The following ATP6V0D1 variants were observed in gnomAD, a reference collection of about 807,000 sequenced individuals.
ATP6V0D1 encodes V-type proton ATPase subunit d 1.
ATP6V0D1 carries 13 observed loss-of-function variants against 39.0 expected under a neutral mutation model. That is an observed-to-expected ratio of 0.33 (90% CI 0.22 to 0.53). ATP6V0D1 has a LOEUF of 0.53. Ranked by LOEUF, ATP6V0D1 falls within the 20% of genes least tolerant of loss-of-function variation. The probability of loss-of-function intolerance (pLI) is 0.94; values close to 1 mark genes in which losing one functional copy is unlikely to be tolerated. For synonymous variants in ATP6V0D1, 191 were observed against 191.2 expected, an observed-to-expected ratio of 1.00 and a Z score of 0.01; for missense variants, 272 against 470.9, an observed-to-expected ratio of 0.58 and a Z score of 3.91.
intron 1 of ATP6V0D1, among the ~76,000 whole-genome samples, chr16:67,476,087 T>TA (rs1305882994): frequency 6.6e-6 from 1 of 152,082 alleles, no homozygotes; most frequent in African/African-American, 2.4e-5. Context: ...CCAGGCGTGG[T>TA]AGCGTAGGCC....
At chr16:67,450,295 C>A (rs1422145556) in intron 2 of ATP6V0D1, among the ~76,000 whole-genome samples, 3 of 152,146 alleles carry the variant, frequency 2.0e-5, no homozygotes, top group Admixed American at 6.5e-5. Context: ...AACCTAAAAA[C>A]CCCCTATTCC....
At position 67,456,691 on chromosome 16, in the gene ATP6V0D1, CT is replaced by C. The variant is rs1281442801; in HGVS notation, c.131-2977del. The C allele has an allele frequency of 6.6e-6, 1 of 152,282 alleles. No homozygotes were observed. Among genetic ancestry groups the C allele is most frequent in the African/African-American group, 2.4e-5 (1 of 41,462 alleles). The allele number at this position is 152,282 out of a possible 1,614,324, so 9.4% of individuals were successfully genotyped here. On this transcript the variant is annotated intron_variant, in intron 1 of 7. Transcript: ENST00000290949. The surrounding 1 kb of genome is among the most constrained non-coding windows in gnomAD (Gnocchi z 4.1). ...AGACTTCTTCCTTTTCAGCTATAGCCTGGGCCTAGAGGCCGGGCCAGATGTA... is the reference window on the plus strand; with the variant it reads ...AGACTTCTTCCTTTTCAGCTATAGCCGGGCCTAGAGGCCGGGCCAGATGTA...
At chr16:67,480,896 C>T in intron 1 of ATP6V0D1, 61 bp downstream of exon 1, 1 of 1,587,824 alleles carries the variant, frequency 6.3e-7, no homozygotes, top group Non-Finnish European at 8.6e-7. Flanking sequence ...TCCCGGCCTA[C>T]ACCTCTGAAC....
At chr16:67,457,748 C>T in intron 1 of ATP6V0D1, 1 of 818,912 alleles carries the variant, frequency 1.2e-6, no homozygotes, top group South Asian at 1.4e-5. Context: ...CAGCAAGGGC[C>T]TCCAAGCAAA....
rs2041234858 is a variant in ATP6V0D1 at position 67,456,106 on chromosome 16, C to G, written c.131-2391G>C. 1 of 151,752 alleles carries G rather than the reference C, an allele frequency of 6.6e-6. No individual in the cohort carries two copies. Among genetic ancestry groups the G allele is most frequent in the Non-Finnish European group, 1.5e-5 (1 of 67,996 alleles). The allele number at this position is 151,752 out of a possible 1,614,324, so 9.4% of individuals were successfully genotyped here. A position where few individuals can be genotyped will look rare whatever the true frequency, so the allele number is the denominator to read the frequency against. ...CTGCCTCCCGGGTTTAAACGATTCT[C>G]CTGCCTCAGCCTCCCGAGTAGCTGG... On this transcript the variant is annotated intron_variant, in intron 1 of 7. Transcript: ENST00000290949. This position sits in a 1 kb window ranked among gnomAD's most constrained non-coding sequence, Gnocchi z 4.1.
chr16:67,442,176 GC>G (rs1567533498), intron 4 of ATP6V0D1, among the ~76,000 whole-genome samples: 1 of 152,270 alleles, frequency 6.6e-6, no homozygotes, highest in African/African-American at 2.4e-5. Context: ...TCTGGCCCAG[GC>G]CCCTGCAGGG....
intron 1 of ATP6V0D1, among the ~76,000 whole-genome samples, chr16:67,464,839 G>A (rs1409658891): frequency 1.3e-5 from 2 of 152,280 alleles, no homozygotes; most frequent in Non-Finnish European, 2.9e-5. Context: ...GGCCAGGAAA[G>A]CAGTGTCCAG....
Position 67,444,813 on chromosome 16 carries a change from T to C in ATP6V0D1, c.303-107A>G, listed in dbSNP as rs1312275351. 7 of 1,060,318 alleles carry C rather than the reference T, an allele frequency of 6.6e-6. No homozygotes were observed. The African/African-American group carries it at 9.6e-5, about 15-fold the overall frequency. 65.7% of individuals were successfully genotyped at this position (1,060,318 alleles called of 1,614,324 possible). A position where few individuals can be genotyped will look rare whatever the true frequency, so the allele number is the denominator to read the frequency against. Reference sequence around the variant, plus strand: ...TGCACAGGCCATCACCCCTTAACAATGTATGCTGACTCATGGGTGCTGCGG... The same window carrying C: ...TGCACAGGCCATCACCCCTTAACAACGTATGCTGACTCATGGGTGCTGCGG... On this transcript the variant is annotated intron_variant, in intron 2 of 7. Coordinates refer to ENST00000290949, the MANE Select transcript of ATP6V0D1 (RefSeq NM_004691.5). The surrounding 1 kb of genome is among the most constrained non-coding windows in gnomAD (Gnocchi z 4.8).
Position 67,453,074 on chromosome 16 carries a change from T to C in ATP6V0D1, c.302+470A>G, listed in dbSNP as rs1386609798. Among the ~76,000 whole-genome samples, 1 of 152,200 alleles carries C rather than the reference T, an allele frequency of 6.6e-6. No homozygotes were observed. The highest frequency in any genetic ancestry group is 1.5e-5 in the Non-Finnish European group (1 of 68,030). On this transcript the variant is annotated intron_variant, in intron 2 of 7. Transcript: ENST00000290949. This position sits in a 1 kb window ranked among gnomAD's most constrained non-coding sequence, Gnocchi z 4.1. Reference sequence around the variant, plus strand: ...TCAGAGCAGATAGAGAATGGGCCTATCCTAAGACCTTGGCCTTTCAGAGCT... The same window carrying C: ...TCAGAGCAGATAGAGAATGGGCCTACCCTAAGACCTTGGCCTTTCAGAGCT...
intron 1 of ATP6V0D1, among the ~76,000 whole-genome samples, chr16:67,467,912 G>C (rs918199332): frequency 6.6e-6 from 1 of 152,204 alleles, no homozygotes. Flanking sequence ...TGCTATAGCA[G>C]GCATCCTGAC....
chr16:67,438,637 T>A lies in ATP6V0D1; in HGVS notation c.947A>T (p.Tyr316Phe), dbSNP rs767594277. Reference sequence around the variant, plus strand: ...CTGCTCCTTGAGCTTCACGAAGGCATAGAAGACACCAAAGTGGAACTGGTT... The same window carrying A: ...CTGCTCCTTGAGCTTCACGAAGGCAAAGAAGACACCAAAGTGGAACTGGTT... ...FLNQFHFGVF[Y>F]AFVKLKEQEC... The change falls in exon 8 of 8, where the codon TAT (tyrosine) becomes TTT (phenylalanine). Residue 316 changes from tyrosine to phenylalanine, a missense_variant. By Grantham distance (22) the Tyr-to-Phe change is conservative. Coordinates refer to ENST00000290949, the MANE Select transcript of ATP6V0D1 (RefSeq NM_004691.5). 1.2e-6 allele frequency: 2 copies of A among 1,614,234 alleles called. No homozygotes were observed. Among genetic ancestry groups the A allele is most frequent in the South Asian group, 1.1e-5 (1 of 91,084 alleles).
intron 7 of ATP6V0D1, 37 bp from the exon 8 acceptor site, chr16:67,438,726 T>C: frequency 3.1e-6 from 5 of 1,614,158 alleles, no homozygotes; most frequent in South Asian, 1.1e-5. Context: ...CAGGTGGCCA[T>C]GGCCACAGAG....
At chr16:67,464,121 A>T (rs1040473489) in intron 1 of ATP6V0D1, among the ~76,000 whole-genome samples, 9 of 152,166 alleles carry the variant, frequency 5.9e-5, no homozygotes, top group Non-Finnish European at 1.2e-4. Context: ...GTGCTACATC[A>T]TGGACTGCAG....
Position 67,442,468 on chromosome 16 carries a change from TA to T in ATP6V0D1, c.561+630del, listed in dbSNP as rs369933136. Among the ~76,000 whole-genome samples the T allele has an allele frequency of 8.9e-3, 1,281 of 143,338 alleles. 19 individuals are homozygous for T. Among genetic ancestry groups the T allele is most frequent in the African/African-American group, 0.029 (1,044 of 36,060 alleles). 94.0% of individuals were successfully genotyped at this position (143,338 alleles called of 152,430 possible). A position where few individuals can be genotyped will look rare whatever the true frequency, so the allele number is the denominator to read the frequency against. ...GTCTCGGGCTTTTTTTTTTTTTTTT[TA>T]AATTTTTAAACTTTCCTCTCCTCTC... On this transcript the variant is annotated intron_variant, in intron 4 of 7. Transcript: ENST00000290949.
Position 67,439,326 on chromosome 16 carries a change from A to G in ATP6V0D1, c.587T>C (p.Phe196Ser), listed in dbSNP as rs2041019022. 2 of 1,613,996 alleles carry G rather than the reference A, an allele frequency of 1.2e-6. No individual in the cohort carries two copies. Among genetic ancestry groups the G allele is most frequent in the African/African-American group, 2.7e-5 (2 of 74,920 alleles). ...CGTAGTCCCGCCCAGTAGGGTGCAG[A>G]ACTTGTAGAAGGACTCCAGGTAGGC... ...YKAYLESFYK[F>S]CTLLGGTTAD... The change falls in exon 5 of 8, where the codon TTC (phenylalanine) becomes TCC (serine). Residue 196 changes from phenylalanine (F) to serine (S), a missense_variant. By Grantham distance (155) the Phe-to-Ser change is radical. Coordinates refer to ENST00000290949, the MANE Select transcript of ATP6V0D1 (RefSeq NM_004691.5).
chr16:67,438,713 G>C, intron 7 of ATP6V0D1, 24 bp from the exon 8 acceptor site: 2 of 1,614,202 alleles, frequency 1.2e-6, no homozygotes, highest in Non-Finnish European at 1.7e-6. Context: ...CAGATGTGGT[G>C]TCCAGGTGGC....
In ATP6V0D1 at chr16:67,438,153, C is replaced by T. The variant is rs1181578180; in HGVS notation, c.*375G>A. ...ATGGGCCATGGCTCTGGGAGCGACC[C>T]ACAGAAGGGAGAGGAGGCTCAAACT... On this transcript the variant is annotated 3_prime_UTR_variant, in exon 8 of 8. Transcript: ENST00000290949. 1.1e-5 allele frequency: 3 copies of T among 262,508 alleles called. No homozygotes were observed. Among genetic ancestry groups the T allele is most frequent in the East Asian group, 2.0e-4 (2 of 10,028 alleles). The allele number at this position is 262,508 out of a possible 1,614,324, so 16.3% of individuals were successfully genotyped here.
chr16:67,450,308 T>C (rs1441501263), intron 2 of ATP6V0D1, among the ~76,000 whole-genome samples: 2 of 152,090 alleles, frequency 1.3e-5, no homozygotes, highest in African/African-American at 4.8e-5. Context: ...CCTATTCCAA[T>C]GCTTCCCTTA....
chr16:67,448,369 A>G (rs915804476), intron 2 of ATP6V0D1, among the ~76,000 whole-genome samples: 8 of 151,952 alleles, frequency 5.3e-5, no homozygotes, highest in Non-Finnish European at 1.2e-4. Context: ...TAAAATAAAT[A>G]GAAGATGAGG....
Sources: allele counts gnomAD v4.1 joint callset (sites outside exome capture counted in the v4.1 genomes callset), GRCh38; gene constraint gnomAD v4.1.1; non-coding constraint Gnocchi (gnomAD v3.1); transcripts MANE v1.5; gene names NCBI Gene and HGNC (gene_info 2026-07-23, HGNC 2026-07-21).